The following NELL2 variants were observed in gnomAD, a reference collection of about 807,000 sequenced individuals.
The protein encoded by NELL2 is protein kinase C-binding protein NELL2.
In NELL2, 41 loss-of-function variants were observed where a neutral mutation model predicts 109.6. The ratio of observed to expected loss-of-function variants is 0.37; its 90% CI spans 0.29 to 0.49. The LOEUF is 0.49. Among genes scored for constraint, NELL2 ranks in the 20% least tolerant of loss-of-function variants. The probability of loss-of-function intolerance (pLI) is 0.98; values close to 1 mark genes in which losing one functional copy is unlikely to be tolerated. For missense variants in NELL2, 900 were observed against 1,008.3 expected, an observed-to-expected ratio of 0.89 and a Z score of 1.45; for synonymous variants, 355 against 344.7, an observed-to-expected ratio of 1.03 and a Z score of -0.33.
At chr12:44,760,829 A>G (rs971004692) in intron 9 of NELL2, among the ~76,000 whole-genome samples, 5 of 152,182 alleles carry the variant, frequency 3.3e-5, no homozygotes, top group Admixed American at 3.3e-4. Context: ...TAAAAAGAGG[A>G]CAGGGCCTTT....
intron 2 of NELL2, among the ~76,000 whole-genome samples, chr12:44,868,226 A>C (rs1366089956): frequency 2.0e-5 from 3 of 152,136 alleles, no homozygotes; most frequent in Non-Finnish European, 4.4e-5. Flanking sequence ...TATAAATTTA[A>C]TCAAGAAGGT....
chr12:44,845,314 A>G (rs1005772624), intron 2 of NELL2, among the ~76,000 whole-genome samples: 3 of 152,232 alleles, frequency 2.0e-5, no homozygotes, highest in Non-Finnish European at 4.4e-5. Flanking sequence ...TTCCTGACTT[A>G]AAGTTCACCA....
intron 15 of NELL2, among the ~76,000 whole-genome samples, chr12:44,589,531 G>C (rs868721527): frequency 2.0e-5 from 3 of 151,884 alleles, no homozygotes; most frequent in Admixed American, 2.0e-4. Flanking sequence ...CTACAGGCAC[G>C]TACCACCTCC....
chr12:44,691,697 T>C (rs1948904396), intron 12 of NELL2, among the ~76,000 whole-genome samples: 1 of 152,112 alleles, frequency 6.6e-6, no homozygotes, highest in African/African-American at 2.4e-5. Flanking sequence ...ACACATGAAT[T>C]ATAGAAAGTG....
chr12:44,710,789 C>T (rs532856152), intron 11 of NELL2, among the ~76,000 whole-genome samples: 23 of 152,204 alleles, frequency 1.5e-4, no homozygotes, highest in Middle Eastern at 3.4e-3. Flanking sequence ...CTGATGGCCT[C>T]TCCATTCTCA....
intron 12 of NELL2, among the ~76,000 whole-genome samples, chr12:44,669,005 C>T (rs1373326748): frequency 6.6e-6 from 1 of 152,102 alleles, no homozygotes; most frequent in Non-Finnish European, 1.5e-5. Context: ...CTAGCCACAC[C>T]CAGCCCACCA....
chr12:44,611,779 C>G (rs751274279), intron 13 of NELL2, among the ~76,000 whole-genome samples: 23 of 151,944 alleles, frequency 1.5e-4, no homozygotes, highest in Non-Finnish European at 3.2e-4. Context: ...TATCAAGTAA[C>G]TTCAGAATTC....
chr12:44,744,619 ATCACCAC>A (rs1205763733), intron 9 of NELL2, among the ~76,000 whole-genome samples: 33 of 152,220 alleles, frequency 2.2e-4, no homozygotes, highest in Non-Finnish European at 1.3e-4. Context: ...TAAAGGGGAT[ATCACCAC>A]TGATCCCACA....
At chr12:44,812,317 C>T (rs1455558943) in intron 3 of NELL2, among the ~76,000 whole-genome samples, 4 of 152,146 alleles carry the variant, frequency 2.6e-5, no homozygotes, top group Admixed American at 2.0e-4. Flanking sequence ...ATGTTATCAA[C>T]ATCACTGTGG....
At chr12:44,681,117 T>A (rs1948483510) in intron 12 of NELL2, among the ~76,000 whole-genome samples, 4 of 151,236 alleles carry the variant, frequency 2.6e-5, no homozygotes, top group Admixed American at 1.3e-4. Context: ...TTTATTGTCT[T>A]AAATATTTAT....
intron 9 of NELL2, among the ~76,000 whole-genome samples, chr12:44,746,721 G>T (rs1263890254): frequency 1.3e-5 from 2 of 152,192 alleles, no homozygotes; most frequent in African/African-American, 2.4e-5. Context: ...CTGGCCATCA[G>T]AGAAATGCAA....
At chr12:44,835,336 A>T (rs1944021858) in intron 2 of NELL2, among the ~76,000 whole-genome samples, 1 of 152,240 alleles carries the variant, frequency 6.6e-6, no homozygotes, top group Admixed American at 6.5e-5. Flanking sequence ...AAAATCATTA[A>T]TGTGTTGGTT....
chr12:44,638,710 G>C (rs1946738165), intron 13 of NELL2, among the ~76,000 whole-genome samples: 1 of 152,116 alleles, frequency 6.6e-6, no homozygotes, highest in East Asian at 1.9e-4. Context: ...AATGTTTATT[G>C]ATAACACATC....
intron 1 of NELL2, among the ~76,000 whole-genome samples, chr12:44,888,091 C>T (rs1296984338): frequency 6.6e-6 from 1 of 152,036 alleles, no homozygotes; most frequent in African/African-American, 2.4e-5. Context: ...TCATTGAAGA[C>T]TGTCTTTTCC....
intron 2 of NELL2, chr12:44,851,665 T>C (rs1944538743): frequency 6.6e-6 from 1 of 152,160 alleles, no homozygotes; most frequent in African/African-American, 2.4e-5. Context: ...CAAAAAATGC[T>C]TCACCAGTCT....
At chr12:44,602,692 C>A (rs1217603768) in intron 15 of NELL2, among the ~76,000 whole-genome samples, 3 of 151,598 alleles carry the variant, frequency 2.0e-5, no homozygotes, top group Admixed American at 2.0e-4. Flanking sequence ...ATGCCATGTC[C>A]CAACTGTTCT....
upstream of NELL2, among the ~76,000 whole-genome samples, chr12:44,877,527 A>C (rs1592698339): frequency 6.6e-6 from 1 of 152,278 alleles, no homozygotes; most frequent in East Asian, 1.9e-4. Flanking sequence ...TGAATTCTCC[A>C]ACTGGATACT....
intron 2 of NELL2, among the ~76,000 whole-genome samples, chr12:44,845,007 C>T (rs1944331228): frequency 6.6e-6 from 1 of 152,130 alleles, no homozygotes; most frequent in Non-Finnish European, 1.5e-5. Context: ...CCCTTTTAAT[C>T]CTTAATACTT....
At chr12:44,521,133 G>A (rs1200241081) in intron 18 of NELL2, among the ~76,000 whole-genome samples, 2 of 152,004 alleles carry the variant, frequency 1.3e-5, no homozygotes, top group African/African-American at 4.8e-5. Context: ...ACTTTATCAA[G>A]TCATTACTTT....
Sources: gnomAD v4.1 joint callset for allele counts (sites outside exome capture counted in the v4.1 genomes callset) on GRCh38, gnomAD v4.1.1 for gene constraint, MANE v1.5 for transcripts, NCBI Gene and HGNC (gene_info 2026-07-23, HGNC 2026-07-21) for gene names.